Variants in TINAG observed in about 807,000 individuals in gnomAD.
TINAG encodes the protein tubulointerstitial nephritis antigen.
Under a neutral mutation model 72.7 loss-of-function variants are expected in TINAG, and 83 were observed. The ratio of observed to expected loss-of-function variants is 1.14; its 90% confidence interval spans 0.96 to 1.37. TINAG has a LOEUF of 1.37. Among genes scored for constraint, TINAG ranks in the 40% most tolerant of loss-of-function variants. TINAG has a pLI of 0.00. For missense variants in TINAG, 685 were observed against 576.6 expected (o/e 1.19, Z -1.93); for synonymous variants, 234 against 189.9 (o/e 1.23, Z -1.91).
At chr6:54,359,294 C>G (rs1220656535) in intron 9 of TINAG, among the ~76,000 whole-genome samples, 5 of 151,692 alleles carry the variant, frequency 3.3e-5, no homozygotes, top group African/African-American at 9.7e-5. Flanking sequence ...AAACTTTTTC[C>G]TATATATGTT....
chr6:54,314,584 C>A lies in TINAG; in HGVS notation c.355+5679C>A, dbSNP rs115832367. On this transcript the variant is annotated intron_variant, in intron 1 of 10. Transcript: ENST00000259782. ...AATGATATTGGGAATAACCAGCAAT[C>A]TCTGCCAAAAATTAAGAATGCGGAA... Among the ~76,000 whole-genome samples the A allele has an allele frequency of 8.4e-3, 1,275 of 152,230 alleles. 16 individuals are homozygous for A. The highest frequency in any genetic ancestry group is 0.029 in the African/African-American group (1,220 of 41,556).
chr6:54,383,961 C>T (rs1207317011), intron 10 of TINAG, among the ~76,000 whole-genome samples: 2 of 152,112 alleles, frequency 1.3e-5, no homozygotes, highest in East Asian at 1.9e-4. Context: ...CCCATATCCC[C>T]ATCAATGATA....
intron 10 of TINAG, among the ~76,000 whole-genome samples, chr6:54,384,180 A>G (rs1247535689): frequency 1.3e-5 from 2 of 152,106 alleles, no homozygotes; most frequent in African/African-American, 2.4e-5. Context: ...AGGGAGGGGA[A>G]CATCACACAC....
intron 1 of TINAG, among the ~76,000 whole-genome samples, chr6:54,312,339 C>T (rs1784277692): frequency 6.6e-6 from 1 of 151,858 alleles, no homozygotes; most frequent in South Asian, 2.1e-4. Context: ...AGTTGGTTGG[C>T]TGTTGTTATG....
rs1211659428 is a variant in TINAG, at chr6:54,343,281, G to A, written c.680G>A (p.Trp227Ter). 1 of 1,586,658 alleles carries A rather than the reference G, an allele frequency of 6.3e-7. No homozygotes were observed. The highest frequency in any genetic ancestry group is 8.6e-7 in the Non-Finnish European group (1 of 1,164,762). ...LPEFFVASYK[W>*]PGWTHGPLDQ... ...GAGTTTTTTGTTGCTTCTTATAAATGGCCTGGATGGACTCATGGCCCATTG... is the reference window on the plus strand; with the variant it reads ...GAGTTTTTTGTTGCTTCTTATAAATAGCCTGGATGGACTCATGGCCCATTG... The change falls in exon 5 of 11, where the codon TGG (tryptophan) becomes TAG (stop). Residue 227 changes from tryptophan to a stop codon, truncating the protein, a stop_gained. Coordinates refer to ENST00000259782, the MANE Select transcript of TINAG (RefSeq NM_014464.4). LOFTEE classifies it high-confidence loss of function.
rs1035898876 is a variant in TINAG at position 54,330,373 on chromosome 6, T to A, written c.624+3457T>A. Among the ~76,000 whole-genome samples the A allele has an allele frequency of 2.6e-5, 4 of 151,976 alleles. No individual in the cohort carries two copies. The South Asian group carries it at 6.2e-4, about 24-fold the overall frequency. ...AATGACTACTGGGTAAATAACAAAA[T>A]TAAGTCAGAAATAAATAAGTTCTTT... On this transcript the variant is annotated intron_variant, in intron 4 of 10. Coordinates refer to ENST00000259782, the MANE Select transcript of TINAG (RefSeq NM_014464.4).
chr6:54,347,385 T>C lies in TINAG; in HGVS notation c.767T>C (p.Ile256Thr). 1 of 1,612,788 alleles carries C rather than the reference T, an allele frequency of 6.2e-7. No homozygotes were observed. Among genetic ancestry groups the C allele is most frequent in the Non-Finnish European group, 8.5e-7 (1 of 1,179,314 alleles). ...GAAACAGGTGTGGCTGCTGACCGAA[T>C]AGCAATTCAGTCTAAGGGTCGATAC... ...FSTASVAADR[I>T]AIQSKGRYTA... The change falls in exon 6 of 11, where the codon ATA (isoleucine) becomes ACA (threonine). Residue 256 changes from isoleucine to threonine, a missense_variant. Coordinates refer to ENST00000259782, the MANE Select transcript of TINAG (RefSeq NM_014464.4).
chr6:54,349,321 G>C (rs1397100673), intron 6 of TINAG, among the ~76,000 whole-genome samples: 1 of 151,842 alleles, frequency 6.6e-6, no homozygotes, highest in Non-Finnish European at 1.5e-5. Context: ...GAAATAGTCA[G>C]ATTCATTGTC....
intron 9 of TINAG, among the ~76,000 whole-genome samples, chr6:54,360,890 G>A (rs1178054790): frequency 1.3e-5 from 1 of 77,392 alleles, no homozygotes; most frequent in Non-Finnish European, 2.6e-5. Flanking sequence ...AAAGTTTGTG[G>A]CAACCCTACA....
chr6:54,315,626 A>G (rs868235506), intron 1 of TINAG, among the ~76,000 whole-genome samples: 2 of 152,166 alleles, frequency 1.3e-5, no homozygotes, highest in Middle Eastern at 3.4e-3. Flanking sequence ...TCTGTGAGCT[A>G]TCATTCCACC....
upstream of TINAG, chr6:54,308,084 G>T (rs758972174): frequency 1.9e-6 from 3 of 1,549,870 alleles, no homozygotes; most frequent in Non-Finnish European, 2.6e-6. Flanking sequence ...CTGGATGTTC[G>T]TTTCAATGCA....
At chr6:54,334,068 A>T (rs1784805611) in intron 4 of TINAG, among the ~76,000 whole-genome samples, 1 of 152,196 alleles carries the variant, frequency 6.6e-6, no homozygotes, top group African/African-American at 2.4e-5. Flanking sequence ...GGTATCTTGC[A>T]CAAAGAAGTT....
intron 4 of TINAG, among the ~76,000 whole-genome samples, chr6:54,341,073 A>G (rs57675963): frequency 0.083 from 12,558 of 152,146 alleles, 917 homozygotes; most frequent in East Asian, 0.3. Flanking sequence ...TTTTTTCAGT[A>G]GAGTAGAAGG....
intron 9 of TINAG, among the ~76,000 whole-genome samples, chr6:54,363,075 T>C (rs1040834195): frequency 6.6e-6 from 1 of 151,490 alleles, no homozygotes; most frequent in African/African-American, 2.4e-5. Context: ...ATGGGTTGTA[T>C]AGAAACATGC....
chr6:54,372,212 G>A (rs904478234), intron 9 of TINAG, among the ~76,000 whole-genome samples: 3 of 151,662 alleles, frequency 2.0e-5, no homozygotes, highest in Non-Finnish European at 4.4e-5. Context: ...GGCTGATCTC[G>A]AACTCCTGAC....
At chr6:54,354,425 C>T (rs1007447760) in intron 8 of TINAG, 88 bp from the exon 9 acceptor site, 4 of 1,230,496 alleles carry the variant, frequency 3.3e-6, no homozygotes, top group Non-Finnish European at 3.4e-6. Flanking sequence ...TTGCAATTTA[C>T]CCATTGGTTG....
chr6:54,363,445 A>C (rs574022734), intron 9 of TINAG, among the ~76,000 whole-genome samples: 1 of 151,432 alleles, frequency 6.6e-6, no homozygotes, highest in Non-Finnish European at 1.5e-5. Context: ...TGGGGAGAAA[A>C]GCTGTAAGAC....
At chr6:54,348,424 C>T (rs889563928) in intron 6 of TINAG, among the ~76,000 whole-genome samples, 2 of 151,996 alleles carry the variant, frequency 1.3e-5, no homozygotes, top group African/African-American at 4.8e-5. Context: ...CTGACTAAAT[C>T]TCATTGTATT....
chr6:54,354,959 T>C (rs1762989251), intron 9 of TINAG, among the ~76,000 whole-genome samples: 1 of 151,774 alleles, frequency 6.6e-6, no homozygotes, highest in African/African-American at 2.4e-5. Context: ...ATCCAAGGCG[T>C]ATTATGGTTT....
Sources: allele counts gnomAD v4.1 joint callset (sites outside exome capture counted in the v4.1 genomes callset), GRCh38; gene constraint gnomAD v4.1.1; transcripts MANE v1.5; gene names NCBI Gene and HGNC (gene_info 2026-07-23, HGNC 2026-07-21).